Variants in CDC14B observed in about 807,000 individuals in gnomAD.
CDC14B encodes the protein cell division cycle 14B.
CDC14B carries 22 observed loss-of-function variants against 64.2 expected under a neutral mutation model. That is an observed-to-expected ratio of 0.34 (90% CI 0.24 to 0.49). The LOEUF is 0.49. Ranked by LOEUF, CDC14B falls within the 20% of genes least tolerant of loss-of-function variation. The pLI, the probability that CDC14B is intolerant of heterozygous loss-of-function variation, is 0.99. For synonymous variants in CDC14B, 191 were observed against 215.8 expected, an observed-to-expected ratio of 0.89 and a Z score of 1.01; for missense variants, 498 against 629.9, an observed-to-expected ratio of 0.79 and a Z score of 2.24.
rs907114632 is a variant in CDC14B at position 96,522,571 on chromosome 9, T to C, written c.1278A>G (p.Thr426=). 61 of 1,613,086 alleles carry C rather than the reference T, an allele frequency of 3.8e-5. No individual in the cohort carries two copies. The highest frequency in any genetic ancestry group is 4.3e-5 in the Non-Finnish European group (51 of 1,179,130). ...YSDDDEINGV[T]QGDRLRALKS... is the part of the protein sequence containing the mutation. ...TCAAGGCCCGAAGTCTATCACCTTG[T>C]GTCACTCCATTGATTTCGTCATCAT... is the stretch of plus-strand genomic sequence containing the variant. The change falls in exon 12 of 14, where the codon ACA becomes ACG. Residue 426 remains threonine (T), a synonymous_variant. Transcript: ENST00000375241.
At chr9:96,614,515 A>G (rs186375094) in intron 1 of CDC14B, among the ~76,000 whole-genome samples, 1 of 151,872 alleles carries the variant, frequency 6.6e-6, no homozygotes, top group East Asian at 1.9e-4. Flanking sequence ...AAATAGTAAA[A>G]TAAATCAAAG....
At chr9:96,560,014 C>T (rs560975635) in intron 4 of CDC14B, among the ~76,000 whole-genome samples, 10 of 152,262 alleles carry the variant, frequency 6.6e-5, no homozygotes, top group East Asian at 1.9e-4. Context: ...AGTTTAAAAA[C>T]GACAGCAACA....
chr9:96,579,685 C>T (rs180726570), intron 1 of CDC14B, among the ~76,000 whole-genome samples: 44 of 152,230 alleles, frequency 2.9e-4, no homozygotes, highest in African/African-American at 1.1e-3. Flanking sequence ...GTCTGCAAGC[C>T]AAGGACAGAG....
chr9:96,493,172 A>G (rs1833129377), exon 14 of CDC14B: 2 of 152,354 alleles, frequency 1.3e-5, no homozygotes, highest in Admixed American at 1.3e-4. Flanking sequence ...GAAGCTGGGA[A>G]AGGCAGAACA....
chr9:96,592,747 T>C (rs1845859040), intron 1 of CDC14B, among the ~76,000 whole-genome samples: 1 of 152,076 alleles, frequency 6.6e-6, no homozygotes, highest in African/African-American at 2.4e-5. Flanking sequence ...CAGTCCAGCT[T>C]GAGCAACAGA....
intron 5 of CDC14B, among the ~76,000 whole-genome samples, chr9:96,550,601 T>TA (rs1286931023): frequency 6.6e-6 from 1 of 152,210 alleles, no homozygotes; most frequent in Non-Finnish European, 1.5e-5. Flanking sequence ...AATGAACTAA[T>TA]AAGCAATAGT....
intron 4 of CDC14B, among the ~76,000 whole-genome samples, chr9:96,560,886 T>A (rs1024366413): frequency 1.3e-5 from 2 of 152,072 alleles, no homozygotes; most frequent in Non-Finnish European, 2.9e-5. Context: ...ATCTATAACC[T>A]ATGTTTCATA....
At chr9:96,572,127 C>T (rs963744209) in intron 1 of CDC14B, among the ~76,000 whole-genome samples, 1 of 152,184 alleles carries the variant, frequency 6.6e-6, no homozygotes. Context: ...CCCAACTCCA[C>T]GGTGTCAGAA....
intron 7 of CDC14B, among the ~76,000 whole-genome samples, chr9:96,536,055 C>T (rs766448919): frequency 2.0e-5 from 3 of 152,218 alleles, no homozygotes; most frequent in African/African-American, 4.8e-5. Context: ...CACTGAATTG[C>T]TGATGCCATT....
intron 1 of CDC14B, among the ~76,000 whole-genome samples, chr9:96,615,130 T>C (rs1352401822): frequency 1.2e-4 from 18 of 152,128 alleles, no homozygotes; most frequent in Admixed American, 1.2e-3. Context: ...CGTGAGACAC[T>C]GTGCCCGGCC....
chr9:96,541,629 A>G (rs1274270333), intron 6 of CDC14B, among the ~76,000 whole-genome samples, 197 bp downstream of exon 6: 1 of 152,184 alleles, frequency 6.6e-6, no homozygotes, highest in Non-Finnish European at 1.5e-5. Flanking sequence ...TCATACATAG[A>G]AGCACTCAGA....
rs1256880328 is a variant in CDC14B at position 96,565,566 on chromosome 9, A to G, written c.161-83T>C. On this transcript the variant is annotated intron_variant, in intron 1 of 13. Transcript: ENST00000375241. ...TCATGACACAACTCTTTTCAGATGA[A>G]GTCAATTTTTCATTTTTTTCATGCA... is the stretch of plus-strand genomic sequence containing the variant. 3 of 916,436 alleles carry G rather than the reference A, an allele frequency of 3.3e-6. No homozygotes were observed. In the African/African-American group the frequency reaches 4.9e-5, roughly 15 times the overall value. 56.8% of individuals were successfully genotyped at this position (916,436 alleles called of 1,614,324 possible).
At chr9:96,549,140 T>C (rs1250366135) in intron 5 of CDC14B, among the ~76,000 whole-genome samples, 1 of 152,194 alleles carries the variant, frequency 6.6e-6, no homozygotes, top group South Asian at 2.1e-4. Flanking sequence ...AAGATAAATA[T>C]GAAATGCAAT....
At chr9:96,509,979 T>C (rs1315873943) in intron 12 of CDC14B, among the ~76,000 whole-genome samples, 190 bp from the exon 13 acceptor site, 2 of 152,234 alleles carry the variant, frequency 1.3e-5, no homozygotes, top group African/African-American at 4.8e-5. Context: ...GCATCTCGTT[T>C]CTCTTTGAAG....
At chr9:96,601,224 T>A (rs573906842) in intron 1 of CDC14B, among the ~76,000 whole-genome samples, 1 of 152,010 alleles carries the variant, frequency 6.6e-6, no homozygotes, top group East Asian at 1.9e-4. Context: ...TGGGGCCAGG[T>A]GTGGTGGCTC....
intron 9 of CDC14B, among the ~76,000 whole-genome samples, chr9:96,525,768 C>T (rs1193949500): frequency 6.6e-6 from 1 of 152,198 alleles, no homozygotes; most frequent in African/African-American, 2.4e-5. Flanking sequence ...GATCATACCT[C>T]AAGTCTCCCC....
Position 96,563,654 on chromosome 9 carries a change from G to GA in CDC14B, c.328-870_328-869insT, listed in dbSNP as rs1564347187. 1.7e-4 allele frequency among the ~76,000 whole-genome samples: 20 copies of GA among 114,688 alleles called. 1 individual carries two copies. Among genetic ancestry groups the GA allele is most frequent in the Middle Eastern group, 3.9e-3 (1 of 254 alleles). 75.2% of individuals were successfully genotyped at this position (114,688 alleles called of 152,430 possible). A position where few individuals can be genotyped will look rare whatever the true frequency, so the allele number is the denominator to read the frequency against. On this transcript the variant is annotated intron_variant, in intron 3 of 13. Coordinates refer to ENST00000375241, the MANE Select transcript of CDC14B (RefSeq NM_033331.4). The stretch of plus-strand genomic sequence containing the variant: ...AACAAGAGCGAAACTCTGTCTCACG[G>GA]GAAAAAAAAAAAAAAAAAAAAGGAA...
chr9:96,499,695 T>G (rs1237792163), downstream of CDC14B, among the ~76,000 whole-genome samples: 1 of 152,196 alleles, frequency 6.6e-6, no homozygotes, highest in South Asian at 2.1e-4. Flanking sequence ...CCCCAGCCCC[T>G]TCAGATGTGG....
chr9:96,548,758 G>T (rs754832555), intron 5 of CDC14B, among the ~76,000 whole-genome samples: 1 of 150,968 alleles, frequency 6.6e-6, no homozygotes, highest in South Asian at 2.1e-4. Context: ...CCAAGATTGC[G>T]CCACTGAACT....
Sources: gnomAD v4.1 joint callset for allele counts (sites outside exome capture counted in the v4.1 genomes callset) on GRCh38, gnomAD v4.1.1 for gene constraint, MANE v1.5 for transcripts, NCBI Gene and HGNC (gene_info 2026-07-23, HGNC 2026-07-21) for gene names.